The following STK32B variants were observed in gnomAD, a reference collection of about 807,000 sequenced individuals.
STK32B encodes the protein serine/threonine-protein kinase 32B.
A neutral mutation model predicts 52.6 loss-of-function variants in STK32B; 43 were observed. The observed-to-expected ratio is 0.82, with a 90% CI of 0.64 to 1.05. The LOEUF is 1.05. STK32B is among the 50% of genes least tolerant of loss of function. STK32B has a pLI of 0.00. For synonymous variants in STK32B, 238 were observed against 204.3 expected (o/e 1.17, Z -1.41); for missense variants, 621 against 534.6 (o/e 1.16, Z -1.59).
chr4:5,094,284 A>C (rs910864073), intron 1 of STK32B, among the ~76,000 whole-genome samples: 9 of 152,208 alleles, frequency 5.9e-5, no homozygotes, highest in Non-Finnish European at 8.8e-5. Context: ...AAGAGGTTTA[A>C]CTTTAAAAAT....
At chr4:5,418,589 G>A (rs1351424999) in intron 6 of STK32B, among the ~76,000 whole-genome samples, 1 of 152,170 alleles carries the variant, frequency 6.6e-6, no homozygotes. Flanking sequence ...CTGATAACTG[G>A]ATGAAGCATT....
At position 5,398,324 on chromosome 4, in the gene STK32B, G is replaced by A; in HGVS notation, c.472+80G>A. ...GGGAAATAGTGCGGGGGTGGGGGTT[G>A]GGTCTTGCTGAGTTGGACATTAGCA... On this transcript the variant is annotated intron_variant, in intron 5 of 11. Transcript: ENST00000282908. This position sits in a 1 kb window ranked among gnomAD's most constrained non-coding sequence, Gnocchi z 4.9. The A allele has an allele frequency of 6.7e-7, 1 of 1,500,434 alleles. No homozygotes were observed. 92.9% of individuals were successfully genotyped at this position (1,500,434 alleles called of 1,614,324 possible).
the STK32B span, among the ~76,000 whole-genome samples, chr4:5,032,760 C>T: frequency 1.3e-5 from 2 of 152,162 alleles, no homozygotes; most frequent in Non-Finnish European, 2.9e-5. Flanking sequence ...TCTTCCCAAG[C>T]TGAAACTCTG....
chr4:5,074,864 T>C (rs1711985122), intron 1 of STK32B, among the ~76,000 whole-genome samples: 1 of 152,176 alleles, frequency 6.6e-6, no homozygotes, highest in African/African-American at 2.4e-5. Context: ...AATGGATCTC[T>C]TTTGGTTTTG....
intron 1 of STK32B, among the ~76,000 whole-genome samples, chr4:5,059,395 T>A (rs1742132773): frequency 6.6e-6 from 1 of 152,216 alleles, no homozygotes; most frequent in Non-Finnish European, 1.5e-5. Flanking sequence ...TCTATCCTGA[T>A]TTGCTGACAG....
At chr4:5,243,986 T>C (rs987010974) in intron 3 of STK32B, among the ~76,000 whole-genome samples, 1 of 152,112 alleles carries the variant, frequency 6.6e-6, no homozygotes, top group African/African-American at 2.4e-5. Flanking sequence ...TTTGCCAGTA[T>C]TTTATTGAGG....
chr4:5,400,013 C>G lies in STK32B; in HGVS notation c.472+1769C>G, dbSNP rs138774108. Among the ~76,000 whole-genome samples, 17 of 152,220 alleles carry G rather than the reference C, an allele frequency of 1.1e-4. No homozygotes were observed. The highest frequency in any genetic ancestry group is 3.6e-4 in the African/African-American group (15 of 41,524). Reference sequence around the variant, plus strand: ...AAGGCTCTGTCCTATTAAGAGAGACCGCTAGGGGGAGACTTCCTGGCCCTG... The same window carrying G: ...AAGGCTCTGTCCTATTAAGAGAGACGGCTAGGGGGAGACTTCCTGGCCCTG... On this transcript the variant is annotated intron_variant, in intron 5 of 11. Coordinates refer to ENST00000282908, the MANE Select transcript of STK32B (RefSeq NM_018401.3). This position sits in a 1 kb window ranked among gnomAD's most constrained non-coding sequence, Gnocchi z 6.1.
At chr4:5,420,415 G>A (rs1712527102) in intron 6 of STK32B, among the ~76,000 whole-genome samples, 1 of 152,300 alleles carries the variant, frequency 6.6e-6, no homozygotes, top group Non-Finnish European at 1.5e-5. Context: ...AGATTCAAGA[G>A]AGATCAACTG....
intron 3 of STK32B, among the ~76,000 whole-genome samples, chr4:5,249,504 TCCC>T (rs1176822416): frequency 7.4e-6 from 1 of 135,984 alleles, no homozygotes; most frequent in Non-Finnish European, 1.5e-5. Context: ...CCTTCCTTCC[TCCC>T]TCCCTTCCTT....
At chr4:5,140,154 C>T in intron 2 of STK32B, 194 bp downstream of exon 2, 2 of 1,433,258 alleles carry the variant, frequency 1.4e-6, no homozygotes, top group Non-Finnish European at 9.5e-7. Context: ...TAAATTACCA[C>T]AACAGCCCTG....
At chr4:5,098,316 A>C (rs1169090870) in intron 1 of STK32B, among the ~76,000 whole-genome samples, 1 of 152,248 alleles carries the variant, frequency 6.6e-6, no homozygotes. Context: ...TATATGTATT[A>C]TTCATGTAAC....
intron 3 of STK32B, among the ~76,000 whole-genome samples, chr4:5,270,212 C>T (rs945341927): frequency 1.3e-5 from 2 of 152,090 alleles, no homozygotes; most frequent in Non-Finnish European, 2.9e-5. Context: ...TTGACTCACA[C>T]GATTACAGGT....
chr4:5,054,189 C>T (rs917791782), intron 1 of STK32B, among the ~76,000 whole-genome samples: 12 of 151,996 alleles, frequency 7.9e-5, no homozygotes, highest in Non-Finnish European at 2.9e-5. Context: ...CTGTACCCAC[C>T]CCTGTGCTGG....
chr4:5,136,238 G>A (rs550436638), intron 1 of STK32B, among the ~76,000 whole-genome samples: 10 of 152,338 alleles, frequency 6.6e-5, no homozygotes, highest in African/African-American at 2.4e-4. Context: ...CCGCCAATGT[G>A]TTGTTCCATT....
chr4:5,165,329 T>C (rs1409595505), intron 2 of STK32B, among the ~76,000 whole-genome samples: 1 of 152,174 alleles, frequency 6.6e-6, no homozygotes, highest in Non-Finnish European at 1.5e-5. Context: ...TCTATTGAAA[T>C]CATGAGTTCT....
At chr4:5,140,086 A>T (rs1285287702) in intron 2 of STK32B, 126 bp downstream of exon 2, 6 of 1,470,550 alleles carry the variant, frequency 4.1e-6, no homozygotes, top group Non-Finnish European at 5.7e-6. Flanking sequence ...CAAACTTGAA[A>T]TGTGAAAGGA....
intron 3 of STK32B, among the ~76,000 whole-genome samples, chr4:5,197,953 C>T (rs1011615338): frequency 1.3e-5 from 2 of 151,634 alleles, no homozygotes; most frequent in African/African-American, 4.9e-5. Flanking sequence ...TTTTTTTTTC[C>T]AGCAAATAAT....
chr4:5,060,808 T>C (rs1742189921), intron 1 of STK32B, among the ~76,000 whole-genome samples: 1 of 152,228 alleles, frequency 6.6e-6, no homozygotes, highest in African/African-American at 2.4e-5. Flanking sequence ...GCAGGTTTTT[T>C]TCTTCAGCAT....
At chr4:5,236,340 T>A (rs868727610) in intron 3 of STK32B, among the ~76,000 whole-genome samples, 5 of 152,306 alleles carry the variant, frequency 3.3e-5, no homozygotes, top group Middle Eastern at 3.4e-3. Context: ...TTGTTCTTTT[T>A]TTTTAAACTT....
Sources: gnomAD v4.1 joint callset for allele counts (sites outside exome capture counted in the v4.1 genomes callset) on GRCh38, gnomAD v4.1.1 for gene constraint, Gnocchi (gnomAD v3.1) non-coding constraint, MANE v1.5 for transcripts, NCBI Gene and HGNC (gene_info 2026-07-23, HGNC 2026-07-21) for gene names.